RAB40A: variants seen among roughly 807,000 people sequenced by gnomAD.
The protein encoded by RAB40A is RAB40A, member RAS oncogene family, also known as ras-related protein Rab-40A.
For missense variants in RAB40A, 145 were observed against 230.2 expected (o/e 0.63, Z 2.40); for synonymous variants, 65 against 99.9 (o/e 0.65, Z 2.08).
In RAB40A at chrX:103,500,613, C is replaced by T. The variant is rs139170788; in HGVS notation, c.144G>A (p.Gly48=). 5.8e-4 allele frequency: 699 copies of T among 1,208,700 alleles called. No homozygotes were observed. The highest frequency in any genetic ancestry group is 7.5e-4 in the Non-Finnish European group (672 of 894,667). The part of the protein sequence containing the change: ...AAESPYSHLG[G]IDYKTTTILL... Reference sequence around the variant, plus strand: ...GGATGGTGGTCGTCTTGTAGTCGATCCCCCCGAGATGGCTGTACGGGGACT... The same window carrying T: ...GGATGGTGGTCGTCTTGTAGTCGATTCCCCCGAGATGGCTGTACGGGGACT... The change falls in exon 3 of 3, where the codon GGG becomes GGA. Residue 48 remains glycine, a synonymous_variant. Coordinates refer to ENST00000304236, the MANE Select transcript of RAB40A (RefSeq NM_080879.3).
chrX:103,506,747 C>T, intron 2 of RAB40A, among the ~76,000 whole-genome samples: 1 of 111,443 alleles, frequency 9.0e-6, no homozygotes, highest in Non-Finnish European at 1.9e-5. Context: ...TGCACACTCT[C>T]CAGATGTGCC....
At chrX:103,497,110 C>T (rs566521694), downstream of RAB40A, among the ~76,000 whole-genome samples, 7 of 111,551 alleles carry the variant, frequency 6.3e-5, 1 homozygote, top group South Asian at 2.3e-3. Context: ...GTAAAGAGAA[C>T]AGTAACTAGG....
At chrX:103,494,975 T>C (rs1277470901), downstream of RAB40A, among the ~76,000 whole-genome samples, 6 of 112,085 alleles carry the variant, frequency 5.4e-5, no homozygotes, top group Admixed American at 5.7e-4. Flanking sequence ...TTGATAGGGA[T>C]TGTATTAAAT....
At chrX:103,505,893 T>G (rs2073252232) in intron 2 of RAB40A, among the ~76,000 whole-genome samples, 1 of 112,087 alleles carries the variant, frequency 8.9e-6, no homozygotes, top group African/African-American at 3.2e-5. Context: ...CTTTTGCATT[T>G]AGACTGACAA....
At chrX:103,515,446 T>G (rs1268614734) in intron 2 of RAB40A, among the ~76,000 whole-genome samples, 1 of 112,172 alleles carries the variant, frequency 8.9e-6, no homozygotes, top group African/African-American at 3.2e-5. Context: ...ATAATCTCTG[T>G]GGGATGTTCA....
chrX:103,500,548 G>A lies in RAB40A; in HGVS notation c.209C>T (p.Thr70Met), dbSNP rs150769035. Residue 70 changes from threonine (T) to methionine (M), a missense_variant, in exon 3 of 3, where the codon ACG becomes ATG. Thr to Met is a moderately conservative substitution (Grantham distance 81, BLOSUM62 -1). Coordinates refer to ENST00000304236, the MANE Select transcript of RAB40A (RefSeq NM_080879.3). ...GQRVKLKLWD[T>M]SGQGRFCTIF... The stretch of plus-strand genomic sequence containing the variant: ...GGTACAAAATCTTCCCTGCCCCGAC[G>A]TATCCCAGAGCTTCAGCTTCACCCG... 308 of 1,209,120 alleles carry A rather than the reference G, an allele frequency of 2.5e-4. 1 individual carries two copies. Among genetic ancestry groups the A allele is most frequent in the Non-Finnish European group, 6.0e-5 (54 of 894,788 alleles).
chrX:103,511,269 C>T (rs918297977), intron 2 of RAB40A, among the ~76,000 whole-genome samples: 31 of 110,457 alleles, frequency 2.8e-4, no homozygotes, highest in African/African-American at 9.2e-4. Flanking sequence ...GAGGCCGAGG[C>T]GGGCAGATCA....
At chrX:103,505,771 C>T (rs1366514779) in intron 2 of RAB40A, among the ~76,000 whole-genome samples, 6 of 111,120 alleles carry the variant, frequency 5.4e-5, no homozygotes, top group Admixed American at 9.6e-5. Context: ...TATAATGTAG[C>T]TCAATTTATT....
chrX:103,502,865 G>A (rs2073236083), intron 2 of RAB40A: 1 of 764,068 alleles, frequency 1.3e-6, no homozygotes, highest in African/African-American at 2.3e-5. Flanking sequence ...GAGAAAACCT[G>A]TTGAGAGTAT....
downstream of RAB40A, among the ~76,000 whole-genome samples, chrX:103,498,757 C>A (rs41304054): frequency 9.5e-3 from 1,062 of 112,298 alleles, 10 homozygotes; most frequent in South Asian, 0.072. Flanking sequence ...CACCCTATGA[C>A]AATGCACAAA....
rs746260784 is a variant in RAB40A, at chrX:103,500,736, G to A, written c.21C>T (p.Pro7=). 5 of 1,207,804 alleles carry A rather than the reference G, an allele frequency of 4.1e-6. No individual in the cohort carries two copies. The highest frequency in any genetic ancestry group is 3.0e-5 in the East Asian group (1 of 33,738). Residue 7 remains proline, a synonymous_variant, in exon 3 of 3, where the codon CCC becomes CCT. Transcript: ENST00000304236. MSAPGS[P]DQAYDFLLKF... is the part of the protein sequence containing the mutation. The stretch of plus-strand genomic sequence containing the variant: ...TGAGCAGGAAGTCATAGGCCTGGTC[G>A]GGGCTGCCCGGGGCGCTCATGGTGC...
chrX:103,512,266 G>A (rs1421299810), intron 2 of RAB40A, among the ~76,000 whole-genome samples: 7 of 111,196 alleles, frequency 6.3e-5, no homozygotes, highest in Non-Finnish European at 1.1e-4. Flanking sequence ...ACTATGTACA[G>A]CAGCCATAGG....
At chrX:103,515,190 A>T (rs2073310415) in intron 2 of RAB40A, among the ~76,000 whole-genome samples, 1 of 112,544 alleles carries the variant, frequency 8.9e-6, no homozygotes, top group Non-Finnish European at 1.9e-5. Context: ...TGTTGTACAG[A>T]ATACTCATCT....
intron 1 of RAB40A, among the ~76,000 whole-genome samples, chrX:103,517,852 G>A (rs890123744): frequency 5.4e-5 from 6 of 111,645 alleles, no homozygotes; most frequent in South Asian, 7.5e-4. Context: ...TTTCAATGCC[G>A]GTATAACAAG....
intron 2 of RAB40A, chrX:103,503,509 T>C (rs2073239645): frequency 1.3e-6 from 1 of 750,718 alleles, no homozygotes; most frequent in Non-Finnish European, 1.6e-6. Context: ...AGCTTTAATA[T>C]ACGTATATTT....
At chrX:103,514,538 A>G (rs1204659085) in intron 2 of RAB40A, among the ~76,000 whole-genome samples, 1 of 110,677 alleles carries the variant, frequency 9.0e-6, no homozygotes, top group East Asian at 2.8e-4. Flanking sequence ...TTTTGTACAG[A>G]TGGGGTTTCA....
rs2073223515 is a variant in RAB40A, at chrX:103,500,858, A to T, written c.-70-32T>A. 11 of 1,115,495 alleles carry T rather than the reference A, an allele frequency of 9.9e-6. No homozygotes were observed. The South Asian group carries it at 1.6e-4, about 16-fold the overall frequency. 91.9% of individuals were successfully genotyped at this position (1,115,495 alleles called of 1,213,427 possible). A position where few individuals can be genotyped will look rare whatever the true frequency, so the allele number is the denominator to read the frequency against. ...GAGAAATTAGCATAGAACATAAAAAATGAGATGGGGAAGTCTGTGAAATAA... is the reference window on the plus strand; with the variant it reads ...GAGAAATTAGCATAGAACATAAAAATTGAGATGGGGAAGTCTGTGAAATAA... On this transcript the variant is annotated intron_variant, in intron 2 of 2. Transcript: ENST00000304236.
rs184308899 is a variant in RAB40A at position 103,502,871 on chromosome X, A to G, written c.-70-2045T>C. 1.2e-5 allele frequency: 9 copies of G among 763,136 alleles called. No individual in the cohort carries two copies. The Admixed American group carries it at 7.0e-4, about 59-fold the overall frequency. 62.9% of individuals were successfully genotyped at this position (763,136 alleles called of 1,213,427 possible). On this transcript the variant is annotated intron_variant, in intron 2 of 2. Transcript: ENST00000304236. The stretch of plus-strand genomic sequence containing the variant: ...GGAGCAAATGAGAAAACCTGTTGAG[A>G]GTATACGGCATGAAGTGGGACTTCA...
rs190040470 is a variant in RAB40A, at chrX:103,513,416, C to T, written c.-71+3958G>A. On this transcript the variant is annotated intron_variant, in intron 2 of 2. Coordinates refer to ENST00000304236, the MANE Select transcript of RAB40A (RefSeq NM_080879.3). The stretch of plus-strand genomic sequence containing the variant: ...GTAAAAGTAGAGTCACAGTCTCACT[C>T]GGCCCAGGGCCCCAGGAGTAATCAA... 1.0e-3 allele frequency among the ~76,000 whole-genome samples: 113 copies of T among 111,214 alleles called. 1 individual carries two copies. The highest frequency in any genetic ancestry group is 3.5e-3 in the African/African-American group (108 of 30,497).
Sources: gnomAD v4.1 joint callset for allele counts (sites outside exome capture counted in the v4.1 genomes callset) on GRCh38, gnomAD v4.1.1 for gene constraint, MANE v1.5 for transcripts, NCBI Gene and HGNC (gene_info 2026-07-23, HGNC 2026-07-21) for gene names.